The following SMO variants were observed in gnomAD, a reference collection of about 807,000 sequenced individuals.
SMO encodes smoothened, frizzled class receptor.
A neutral mutation model predicts 81.6 loss-of-function variants in SMO; 40 were observed. That is an observed-to-expected ratio of 0.49 (90% CI 0.38 to 0.64). The LOEUF is 0.64. SMO is among the 30% of genes least tolerant of loss of function. SMO has a pLI of 0.00. For missense variants in SMO, 916 were observed against 1,061.1 expected (o/e 0.86, Z 1.90); for synonymous variants, 434 against 432.1 (o/e 1.00, Z -0.05).
At position 129,209,092 on chromosome 7, in the gene SMO, G is replaced by C. The variant is rs979731805; in HGVS notation, c.1358-197G>C. On this transcript the variant is annotated intron_variant, in intron 7 of 11. Coordinates refer to ENST00000249373, the MANE Select transcript of SMO (RefSeq NM_005631.5). ...GTTCCTCCTGCCCACTACGTCCCAC[G>C]TGGTCCCTCCCACAGTTGCTTCAAG... is the stretch of plus-strand genomic sequence containing the variant. 4 of 609,178 alleles carry C rather than the reference G, an allele frequency of 6.6e-6. No homozygotes were observed. The African/African-American group carries it at 7.4e-5, about 11-fold the overall frequency. 37.7% of individuals were successfully genotyped at this position (609,178 alleles called of 1,614,324 possible). A position where few individuals can be genotyped will look rare whatever the true frequency, so the allele number is the denominator to read the frequency against.
chr7:129,209,492 G>T (rs1793830543), intron 8 of SMO, 95 bp downstream of exon 8: 3 of 752,940 alleles, frequency 4.0e-6, no homozygotes, highest in Non-Finnish European at 7.0e-6. Context: ...GATTTGCCAG[G>T]TCCCTGCTGC....
chr7:129,188,817 C>G lies in SMO; in HGVS notation c.-335C>G, dbSNP rs1400468603. On this transcript the variant is annotated 5_prime_UTR_variant, in exon 1 of 12. Coordinates refer to ENST00000249373, the MANE Select transcript of SMO (RefSeq NM_005631.5). This position sits in a 1 kb window ranked among gnomAD's most constrained non-coding sequence, Gnocchi z 4.9. ...CCTCCCTCGCGGGGCGGGGAGGTGGCTTTAATGGTGGGAGAGGGAATGGGG... is the reference window on the plus strand; with the variant it reads ...CCTCCCTCGCGGGGCGGGGAGGTGGGTTTAATGGTGGGAGAGGGAATGGGG... 3 of 226,512 alleles carry G rather than the reference C, an allele frequency of 1.3e-5. No homozygotes were observed. The highest frequency in any genetic ancestry group is 2.6e-5 in the Non-Finnish European group (3 of 114,698). The allele number at this position is 226,512 out of a possible 1,614,324, so 14.0% of individuals were successfully genotyped here.
At position 129,212,675 on chromosome 7, in the gene SMO, C is replaced by T; in HGVS notation, c.*224C>T. 1 of 573,818 alleles carries T rather than the reference C, an allele frequency of 1.7e-6. No homozygotes were observed. Among genetic ancestry groups the T allele is most frequent in the Non-Finnish European group, 3.1e-6 (1 of 324,256 alleles). 35.5% of individuals were successfully genotyped at this position (573,818 alleles called of 1,614,324 possible). A position where few individuals can be genotyped will look rare whatever the true frequency, so the allele number is the denominator to read the frequency against. Reference sequence around the variant, plus strand: ...ACCCCAGGGACAGGGCCCTGGAGCTCAGGGTCCTTGTTTCTGCCCTGCCAG... The same window carrying T: ...ACCCCAGGGACAGGGCCCTGGAGCTTAGGGTCCTTGTTTCTGCCCTGCCAG... On this transcript the variant is annotated 3_prime_UTR_variant, in exon 12 of 12. Transcript: ENST00000249373. The surrounding 1 kb of genome is among the most constrained non-coding windows in gnomAD (Gnocchi z 5.0).
chr7:129,195,046 T>C (rs1365567678), intron 1 of SMO, among the ~76,000 whole-genome samples: 2 of 152,162 alleles, frequency 1.3e-5, no homozygotes, highest in Non-Finnish European at 2.9e-5. Flanking sequence ...TACTGCAGCT[T>C]ATTTCTTCAT....
intron 1 of SMO, among the ~76,000 whole-genome samples, chr7:129,194,325 C>G (rs1793535789): frequency 6.6e-6 from 1 of 152,066 alleles, no homozygotes; most frequent in Non-Finnish European, 1.5e-5. Flanking sequence ...CTTATGGTGC[C>G]TGGAATAGCT....
chr7:129,210,940 C>T lies in SMO; in HGVS notation c.1653-25C>T, dbSNP rs2150654459. 6.4e-7 allele frequency: 1 copy of T among 1,569,352 alleles called. No homozygotes were observed. Among genetic ancestry groups the T allele is most frequent in the Non-Finnish European group, 8.7e-7 (1 of 1,155,834 alleles). ...TGGGAAGTGGCAGCTTCTTCACGCT[C>T]CTTCCCTATCCCTTCTGCTCTCAGG... On this transcript the variant is annotated intron_variant, in intron 9 of 11. Coordinates refer to ENST00000249373, the MANE Select transcript of SMO (RefSeq NM_005631.5). This position sits in a 1 kb window ranked among gnomAD's most constrained non-coding sequence, Gnocchi z 4.7.
intron 1 of SMO, among the ~76,000 whole-genome samples, chr7:129,196,776 G>C (rs1563146679): frequency 6.6e-6 from 1 of 151,988 alleles, no homozygotes; most frequent in Non-Finnish European, 1.5e-5. Context: ...CCAGCACTTC[G>C]GGAGGCCAAG....
Position 129,211,251 on chromosome 7 carries a change from C to T in SMO, c.1801+138C>T, listed in dbSNP as rs1584665802. The T allele has an allele frequency of 1.1e-6, 1 of 940,292 alleles. No homozygotes were observed. The highest frequency in any genetic ancestry group is 2.6e-5 in the East Asian group (1 of 39,060). 58.2% of individuals were successfully genotyped at this position (940,292 alleles called of 1,614,324 possible). On this transcript the variant is annotated intron_variant, in intron 10 of 11. Transcript: ENST00000249373. This position sits in a 1 kb window ranked among gnomAD's most constrained non-coding sequence, Gnocchi z 4.6. ...CAAGGCGCTCCCTCCATCGCTCACA[C>T]ACCCATTCTTCCCCCGGCCCCTCCT...
chr7:129,198,540 A>G lies in SMO; in HGVS notation c.332-4844A>G, dbSNP rs189343859. Among the ~76,000 whole-genome samples, 3 of 152,340 alleles carry G rather than the reference A, an allele frequency of 2.0e-5. No individual in the cohort carries two copies. In the East Asian group the frequency reaches 5.8e-4, roughly 29 times the overall value. On this transcript the variant is annotated intron_variant, in intron 1 of 11. Coordinates refer to ENST00000249373, the MANE Select transcript of SMO (RefSeq NM_005631.5). ...ATTGGACATCATTCCATTTCAATGC[A>G]CATCCTGTCATGCACCCCAGAAGGA...
chr7:129,202,947 A>G (rs918683616), intron 1 of SMO, among the ~76,000 whole-genome samples: 1 of 152,254 alleles, frequency 6.6e-6, no homozygotes, highest in African/African-American at 2.4e-5. Context: ...AATAGCGCAC[A>G]GATCATGAGC....
chr7:129,211,002 A>G lies in SMO; in HGVS notation c.1690A>G (p.Lys564Glu), dbSNP rs2150654623. 6.2e-7 allele frequency: 1 copy of G among 1,613,754 alleles called. No homozygotes were observed. The highest frequency in any genetic ancestry group is 8.5e-7 in the Non-Finnish European group (1 of 1,179,836). ...GQSDDEPKRI[K>E]KSKMIAKAFS... The stretch of plus-strand genomic sequence containing the variant: ...GAGTGACGATGAGCCAAAGCGGATC[A>G]AGAAGAGCAAGATGATTGCCAAGGC... The change falls in exon 10 of 12, where the codon AAG becomes GAG. Residue 564 changes from lysine (K) to glutamate (E), a missense_variant. This residue lies in a region of SMO where 324 missense variants were observed against 312.9 expected (regional missense o/e 1.04). Transcript: ENST00000249373. The surrounding 1 kb of genome is among the most constrained non-coding windows in gnomAD (Gnocchi z 4.6).
chr7:129,205,588 A>T (rs2150648907), intron 3 of SMO, 22 bp from the exon 4 acceptor site: 2 of 1,605,610 alleles, frequency 1.2e-6, no homozygotes, highest in Non-Finnish European at 1.7e-6. Flanking sequence ...ACCTCACAGA[A>T]TGGCCCACTT....
rs1793441192 is a variant in SMO, at chr7:129,189,092, G to A, written c.-60G>A. 2.5e-6 allele frequency: 3 copies of A among 1,194,996 alleles called. No individual in the cohort carries two copies. Among genetic ancestry groups the A allele is most frequent in the Non-Finnish European group, 3.1e-6 (3 of 960,690 alleles). 74.0% of individuals were successfully genotyped at this position (1,194,996 alleles called of 1,614,324 possible). ...GGCCGCCGAGGTCGTGCGTGTGGCC[G>A]GGGGGCTCCGAGGAGCAGGCGGGGG... On this transcript the variant is annotated 5_prime_UTR_variant, in exon 1 of 12. Transcript: ENST00000249373. The surrounding 1 kb of genome is among the most constrained non-coding windows in gnomAD (Gnocchi z 4.7).
At position 129,202,709 on chromosome 7, in the gene SMO, C is replaced by T. The variant is rs78005155; in HGVS notation, c.332-675C>T. Among the ~76,000 whole-genome samples the T allele has an allele frequency of 2.0e-3, 306 of 152,214 alleles. 11 individuals carry two copies. The East Asian group carries it at 0.056, about 28-fold the overall frequency. On this transcript the variant is annotated intron_variant, in intron 1 of 11. Coordinates refer to ENST00000249373, the MANE Select transcript of SMO (RefSeq NM_005631.5). ...CTCCTCTGACTACCTCTTCTTAAGC[C>T]CCCATCTCTTCTCTCTCACTCCGCT...
rs1471453753 is a variant in SMO, at chr7:129,212,399, C to T, written c.2312C>T (p.Ser771Phe). Residue 771 changes from serine to phenylalanine, a missense_variant, in exon 12 of 12, where the codon TCC becomes TTC. Ser to Phe is a radical substitution (Grantham distance 155, BLOSUM62 -2). Transcript: ENST00000249373. The surrounding 1 kb of genome is among the most constrained non-coding windows in gnomAD (Gnocchi z 5.0). Reference sequence around the variant, plus strand: ...CGACAGGGCCTGGGGCCTATTCACTCCCGCACCAACCTGATGGACACAGAA... The same window carrying T: ...CGACAGGGCCTGGGGCCTATTCACTTCCGCACCAACCTGATGGACACAGAA... ...GRRQGLGPIHSRTNLMDTELM... is the reference protein window; with the variant it reads ...GRRQGLGPIHFRTNLMDTELM... The T allele has an allele frequency of 5.6e-6, 9 of 1,614,028 alleles. No individual in the cohort carries two copies. Among genetic ancestry groups the T allele is most frequent in the Non-Finnish European group, 7.6e-6 (9 of 1,180,030 alleles).
intron 4 of SMO, 119 bp downstream of exon 4, chr7:129,205,901 T>A (rs1793757822): frequency 1.2e-6 from 1 of 818,818 alleles, no homozygotes; most frequent in African/African-American, 1.7e-5. Context: ...GGCTCTGCCC[T>A]ACTGCATACT....
intron 2 of SMO, among the ~76,000 whole-genome samples, chr7:129,204,755 C>T (rs1793730771): frequency 2.0e-5 from 3 of 151,982 alleles, no homozygotes; most frequent in Non-Finnish European, 1.5e-5. Flanking sequence ...CAGTGGCTCA[C>T]GCCTGTAATC....
In SMO at chr7:129,189,262, C is replaced by A; in HGVS notation, c.111C>A (p.Thr37=). ...GRGAASSGNA[T]GPGPRSAGGS... Reference sequence around the variant, plus strand: ...GGGCGGCCTCGAGCGGGAACGCGACCGGGCCTGGGCCTCGGAGCGCGGGCG... The same window carrying A: ...GGGCGGCCTCGAGCGGGAACGCGACAGGGCCTGGGCCTCGGAGCGCGGGCG... The change falls in exon 1 of 12, where the codon ACC becomes ACA. Residue 37 remains threonine, a synonymous_variant. Transcript: ENST00000249373. This position sits in a 1 kb window ranked among gnomAD's most constrained non-coding sequence, Gnocchi z 4.7. 7 of 1,253,316 alleles carry A rather than the reference C, an allele frequency of 5.6e-6. No homozygotes were observed. The highest frequency in any genetic ancestry group is 1.6e-5 in the African/African-American group (1 of 63,952). 77.6% of individuals were successfully genotyped at this position (1,253,316 alleles called of 1,614,324 possible).
At position 129,205,701 on chromosome 7, in the gene SMO, G is replaced by A. The variant is rs1793752993; in HGVS notation, c.839G>A (p.Gly280Asp). The change falls in exon 4 of 12, where the codon GGC (glycine) becomes GAC (aspartate). Residue 280 changes from glycine to aspartate, a missense_variant. Gly to Asp is a moderately conservative substitution (Grantham distance 94). Transcript: ENST00000249373. ...GCGTGCTTCTTTGTGGGCAGCATTG[G>A]CTGGCTGGCCCAGTTCATGGATGGT... The part of the protein sequence containing the change: ...VNACFFVGSI[G>D]WLAQFMDGAR... 6.2e-7 allele frequency: 1 copy of A among 1,613,218 alleles called. No individual in the cohort carries two copies. Among genetic ancestry groups the A allele is most frequent in the African/African-American group, 1.3e-5 (1 of 74,944 alleles).
Sources: allele counts gnomAD v4.1 joint callset (sites outside exome capture counted in the v4.1 genomes callset), GRCh38; gene constraint gnomAD v4.1.1; regional missense constraint gnomAD v4.1.1; non-coding constraint Gnocchi (gnomAD v3.1); transcripts MANE v1.5; gene names NCBI Gene and HGNC (gene_info 2026-07-23, HGNC 2026-07-21).